Variants in ARMH4 observed in about 807,000 individuals in gnomAD.
The protein encoded by ARMH4 is armadillo-like helical domain-containing protein 4.
Under a neutral mutation model 61.9 loss-of-function variants are expected in ARMH4, and 49 were observed. The ratio of observed to expected loss-of-function variants is 0.79; its 90% CI spans 0.63 to 1.00. The LOEUF (loss-of-function observed/expected upper bound fraction) is 1.00, where lower values mean the gene tolerates loss of function less well. ARMH4 is among the 50% of genes least tolerant of loss of function. The pLI is 0.00. For synonymous variants in ARMH4, 368 were observed against 341.5 expected (o/e 1.08, Z -0.85); for missense variants, 934 against 930.0 (o/e 1.00, Z -0.06).
chr14:58,083,034 G>A (rs1885275142), intron 5 of ARMH4, among the ~76,000 whole-genome samples: 1 of 152,190 alleles, frequency 6.6e-6, no homozygotes, highest in South Asian at 2.1e-4. Flanking sequence ...AGGATCCAGT[G>A]AAGTTGCATA....
At chr14:58,021,932 G>T (rs1455702797) in intron 5 of ARMH4, among the ~76,000 whole-genome samples, 1 of 152,204 alleles carries the variant, frequency 6.6e-6, no homozygotes, top group African/African-American at 2.4e-5. Flanking sequence ...AAGGAGGGCT[G>T]CAAGTATATT....
At chr14:58,081,668 T>C (rs1339371067) in intron 5 of ARMH4, among the ~76,000 whole-genome samples, 6 of 151,420 alleles carry the variant, frequency 4.0e-5, no homozygotes, top group Non-Finnish European at 8.8e-5. Context: ...GCCTGGCTAA[T>C]TTTTTTGTAT....
chr14:58,095,224 G>A (rs938546832), intron 5 of ARMH4, among the ~76,000 whole-genome samples: 4 of 152,028 alleles, frequency 2.6e-5, no homozygotes, highest in Admixed American at 6.6e-5. Context: ...TCCTCTCTCC[G>A]GTAAAGTACT....
At chr14:58,102,042 G>A (rs1220640327) in intron 4 of ARMH4, among the ~76,000 whole-genome samples, 2 of 152,184 alleles carry the variant, frequency 1.3e-5, no homozygotes, top group Non-Finnish European at 1.5e-5. Context: ...AGAGTGGCAT[G>A]AGCACATGAG....
In ARMH4 at chr14:58,094,206, TGTA is replaced by T. The variant is rs1160720555; in HGVS notation, c.2089+2515_2089+2517del. Among the ~76,000 whole-genome samples, 7 of 151,714 alleles carry T rather than the reference TGTA, an allele frequency of 4.6e-5. No homozygotes were observed. The South Asian group carries it at 1.2e-3, about 27-fold the overall frequency. ...TTAGCTGGGCATGGGAGTGGGTACC[TGTA>T]GTCCCAGCTGCTCAGGAGGCTGAGG... is the stretch of plus-strand genomic sequence containing the variant. On this transcript the variant is annotated intron_variant, in intron 5 of 7. Transcript: ENST00000267485.
intron 4 of ARMH4, among the ~76,000 whole-genome samples, chr14:58,106,948 A>T (rs1886183724): frequency 6.6e-6 from 1 of 152,152 alleles, no homozygotes; most frequent in African/African-American, 2.4e-5. Context: ...CAAAATCGAG[A>T]GTCTTCATTT....
At chr14:58,130,410 AC>A (rs145375439) in intron 4 of ARMH4, among the ~76,000 whole-genome samples, 13,819 of 152,130 alleles carry the variant, frequency 0.091, 978 homozygotes, top group African/African-American at 0.2. Flanking sequence ...TTCGCTTTAG[AC>A]AAAAAAAAAT....
Position 58,138,057 on chromosome 14 carries a change from TA to T in ARMH4, c.1301del (p.Leu434Ter). 6.2e-7 allele frequency: 1 copy of T among 1,614,252 alleles called. No individual in the cohort carries two copies. The highest frequency in any genetic ancestry group is 8.5e-7 in the Non-Finnish European group (1 of 1,180,044). ...ATACAGAGACAGAAACAGTGGTTTC[TA>T]AGAAAAACAGGGCATCGTTTTCCTT... ...STKENDALFF[L>X]ETTVSVSVYE... is the part of the protein sequence containing the mutation. On this transcript the variant is annotated frameshift_variant, in exon 2 of 8. Coordinates refer to ENST00000267485, the MANE Select transcript of ARMH4 (RefSeq NM_001001872.4). LOFTEE classifies it high-confidence loss of function.
chr14:58,024,665 C>G (rs1335705044), intron 5 of ARMH4, among the ~76,000 whole-genome samples: 1 of 152,138 alleles, frequency 6.6e-6, no homozygotes, highest in Non-Finnish European at 1.5e-5. Flanking sequence ...TTTCAACATG[C>G]CTTCCCCACT....
chr14:58,109,475 G>T (rs182694454), intron 4 of ARMH4, among the ~76,000 whole-genome samples: 174 of 152,104 alleles, frequency 1.1e-3, no homozygotes, highest in African/African-American at 4.2e-3. Flanking sequence ...TGCTTCACTG[G>T]CCACTTTGAC....
chr14:58,100,791 C>T (rs544953196), intron 4 of ARMH4, among the ~76,000 whole-genome samples: 18 of 152,196 alleles, frequency 1.2e-4, no homozygotes, highest in Middle Eastern at 3.4e-3. Context: ...CACAGCTTCA[C>T]AATGTAGCAG....
intron 5 of ARMH4, among the ~76,000 whole-genome samples, chr14:58,051,589 G>A (rs945068300): frequency 1.3e-5 from 2 of 152,206 alleles, no homozygotes; most frequent in African/African-American, 4.8e-5. Flanking sequence ...TTACAGGGTA[G>A]AGACAACTCT....
chr14:58,140,089 T>C (rs915230677), intron 1 of ARMH4, among the ~76,000 whole-genome samples: 2 of 150,358 alleles, frequency 1.3e-5, no homozygotes, highest in African/African-American at 2.5e-5. Context: ...GCCAACATGG[T>C]GAAACCCCAT....
chr14:58,040,171 T>A (rs577310635), intron 5 of ARMH4, among the ~76,000 whole-genome samples: 7 of 152,202 alleles, frequency 4.6e-5, no homozygotes, highest in African/African-American at 1.7e-4. Flanking sequence ...ATTTTTTTTT[T>A]AACTTTTACT....
intron 1 of ARMH4, among the ~76,000 whole-genome samples, chr14:58,149,955 AT>A (rs925637715): frequency 1.3e-5 from 2 of 152,134 alleles, no homozygotes; most frequent in African/African-American, 4.8e-5. Context: ...ATGGAGTAGC[AT>A]TTTTTTCCCC....
chr14:58,072,612 C>T (rs1884917255), intron 5 of ARMH4, among the ~76,000 whole-genome samples: 1 of 151,916 alleles, frequency 6.6e-6, no homozygotes, highest in Non-Finnish European at 1.5e-5. Context: ...ATCCCAGCTA[C>T]TCAGGAGGTT....
rs1354056369 is a variant in ARMH4, at chr14:58,096,895, CA to C, written c.1917del (p.Asp639GlufsTer30). ...TCCAAGCCCTCATCCAGCGAGTCTG[CA>C]TCTTTATCTTCCTCATCTTCTTCCT... ...EDEEEDEEDK[D>X]ADSLDEGLDG... On this transcript the variant is annotated frameshift_variant, in exon 5 of 8. Transcript: ENST00000267485. LOFTEE classifies it high-confidence loss of function. 8 of 1,614,044 alleles carry C rather than the reference CA, an allele frequency of 5.0e-6. No individual in the cohort carries two copies. The highest frequency in any genetic ancestry group is 6.8e-6 in the Non-Finnish European group (8 of 1,180,038).
rs531479321 is a variant in ARMH4 at position 58,054,203 on chromosome 14, T to C, written c.2090-42053A>G. ...AGCACATGAGTGATGGCAAGGACAGTCTGTGACTCTGCCTGTGAAGTGGGG... is the reference window on the plus strand; with the variant it reads ...AGCACATGAGTGATGGCAAGGACAGCCTGTGACTCTGCCTGTGAAGTGGGG... On this transcript the variant is annotated intron_variant, in intron 5 of 7. Transcript: ENST00000267485. Among the ~76,000 whole-genome samples, 242 of 152,240 alleles carry C rather than the reference T, an allele frequency of 1.6e-3. 1 individual carries two copies. The highest frequency in any genetic ancestry group is 5.7e-3 in the African/African-American group (235 of 41,540).
At chr14:58,093,976 T>C (rs1387298174) in intron 5 of ARMH4, among the ~76,000 whole-genome samples, 1 of 152,140 alleles carries the variant, frequency 6.6e-6, no homozygotes, top group African/African-American at 2.4e-5. Context: ...AAACTCAGGA[T>C]CTGGAGAAGT....
Sources: allele counts gnomAD v4.1 joint callset (sites outside exome capture counted in the v4.1 genomes callset), GRCh38; gene constraint gnomAD v4.1.1; transcripts MANE v1.5; gene names NCBI Gene and HGNC (gene_info 2026-07-23, HGNC 2026-07-21).